TSHZ3: variants seen among roughly 807,000 people sequenced by gnomAD.
TSHZ3 encodes teashirt zinc finger homeobox 3.
Under a neutral mutation model 64.5 loss-of-function variants are expected in TSHZ3, and 10 were observed. The observed-to-expected ratio is 0.16, with a 90% CI of 0.10 to 0.26. TSHZ3 has a LOEUF of 0.26. Among genes scored for constraint, TSHZ3 ranks in the 10% least tolerant of loss-of-function variants. The probability of loss-of-function intolerance (pLI) is 1.00; values close to 1 mark genes in which losing one functional copy is unlikely to be tolerated. For missense variants in TSHZ3, 1,242 were observed against 1,421.7 expected (o/e 0.87, Z 2.03); for synonymous variants, 608 against 593.1 (o/e 1.03, Z -0.36).
intron 5 of TSHZ3, among the ~76,000 whole-genome samples, chr19:31,185,783 C>T (rs867441086): frequency 1.3e-5 from 2 of 152,172 alleles, no homozygotes; most frequent in African/African-American, 4.8e-5. Flanking sequence ...TAGGATGTTT[C>T]CATCACCCCA....
intron 1 of TSHZ3, among the ~76,000 whole-genome samples, chr19:31,346,853 T>A (rs2021535227): frequency 6.6e-6 from 1 of 151,946 alleles, no homozygotes; most frequent in African/African-American, 2.4e-5. Context: ...GTTTTTTTTT[T>A]TTCTCTCCAC....
chr19:31,202,073 G>C (rs1223040042), intron 5 of TSHZ3, among the ~76,000 whole-genome samples: 1 of 152,152 alleles, frequency 6.6e-6, no homozygotes, highest in African/African-American at 2.4e-5. Context: ...GACTGAGGCA[G>C]GAGAATCGCT....
chr19:31,246,844 CT>C (rs1237211367), intron 1 of TSHZ3, among the ~76,000 whole-genome samples: 1 of 151,948 alleles, frequency 6.6e-6, no homozygotes, highest in South Asian at 2.1e-4. Flanking sequence ...GAGCCTGAAA[CT>C]TCTGGTCCCA....
At chr19:31,197,618 G>C (rs1975011506) in intron 5 of TSHZ3, among the ~76,000 whole-genome samples, 1 of 151,654 alleles carries the variant, frequency 6.6e-6, no homozygotes, top group Non-Finnish European at 1.5e-5. Flanking sequence ...GAAATGAAAG[G>C]GGGCATCACT....
In TSHZ3 at chr19:31,279,200, C is replaced by T. The variant is rs764954907; in HGVS notation, c.593G>A (p.Arg198Gln). 6.8e-6 allele frequency: 11 copies of T among 1,613,810 alleles called. No homozygotes were observed. The highest frequency in any genetic ancestry group is 1.6e-4 in the Middle Eastern group (1 of 6,084). Residue 198 changes from arginine (R) to glutamine (Q), a missense_variant, in exon 2 of 2, where the codon CGG becomes CAG. Around this residue, in one of 4 missense-constraint regions of TSHZ3, gnomAD observed 555 missense variants for 704.0 expected, o/e 0.79. Coordinates refer to ENST00000240587, the MANE Select transcript of TSHZ3 (RefSeq NM_020856.4). The surrounding 1 kb of genome is among the most constrained non-coding windows in gnomAD (Gnocchi z 6.4). The part of the protein sequence containing the change: ...PSLFSTVQLY[R>Q]QSSKLYGSIF... ...GGAGCCATAGAGCTTGCTGCTCTGC[C>T]GGTACAGCTGCACGGTGCTGAAGAG...
intron 5 of TSHZ3, among the ~76,000 whole-genome samples, chr19:31,158,922 C>T (rs1331362956): frequency 2.0e-5 from 3 of 152,170 alleles, no homozygotes; most frequent in African/African-American, 4.8e-5. Context: ...TGGGGAGTGG[C>T]TGTAAATACA....
At chr19:31,322,005 G>A (rs867888402) in intron 1 of TSHZ3, among the ~76,000 whole-genome samples, 49 of 151,968 alleles carry the variant, frequency 3.2e-4, no homozygotes, top group Middle Eastern at 3.4e-3. Context: ...AAAAGGCCCC[G>A]GTGTGTGATG....
chr19:31,206,449 A>G (rs1975178515), intron 4 of TSHZ3, among the ~76,000 whole-genome samples: 1 of 152,176 alleles, frequency 6.6e-6, no homozygotes, highest in Non-Finnish European at 1.5e-5. Flanking sequence ...AAAGCAAGAG[A>G]CACCAAAAGC....
At chr19:31,339,974 T>A (rs1219532569) in intron 1 of TSHZ3, among the ~76,000 whole-genome samples, 2 of 151,934 alleles carry the variant, frequency 1.3e-5, no homozygotes, top group Non-Finnish European at 2.9e-5. Flanking sequence ...TATTTTTTAA[T>A]GGCAAAGGGC....
chr19:31,293,793 C>T (rs1327476849), intron 1 of TSHZ3, among the ~76,000 whole-genome samples: 2 of 152,176 alleles, frequency 1.3e-5, no homozygotes, highest in African/African-American at 4.8e-5. Flanking sequence ...TACCTCTGTG[C>T]CCTTTGCATG....
At position 31,279,533 on chromosome 19, in the gene TSHZ3, T is replaced by A; in HGVS notation, c.260A>T (p.Asp87Val). 6.2e-7 allele frequency: 1 copy of A among 1,611,336 alleles called. No homozygotes were observed. The highest frequency in any genetic ancestry group is 8.5e-7 in the Non-Finnish European group (1 of 1,177,868). ...HISETSDRMADFESGSIKNEE... is the reference protein window; with the variant it reads ...HISETSDRMAVFESGSIKNEE... ...GTTCTTGATGGAGCCGCTTTCAAAG[T>A]CAGCCATTCGGTCACTGGTCTCACT... is the stretch of plus-strand genomic sequence containing the variant. Residue 87 changes from aspartate (D) to valine (V), a missense_variant, in exon 2 of 2, where the codon GAC becomes GTC. Asp to Val is a radical substitution (Grantham distance 152). Coordinates refer to ENST00000240587, the MANE Select transcript of TSHZ3 (RefSeq NM_020856.4). The surrounding 1 kb of genome is among the most constrained non-coding windows in gnomAD (Gnocchi z 6.4).
intron 3 of TSHZ3, among the ~76,000 whole-genome samples, chr19:31,231,307 C>A (rs752731261): frequency 1.3e-5 from 2 of 152,054 alleles, no homozygotes; most frequent in Admixed American, 1.3e-4. Context: ...GGAGGCCGAG[C>A]GGAATTACAA....
chr19:31,304,163 C>T (rs868047405), intron 1 of TSHZ3, among the ~76,000 whole-genome samples: 5 of 152,016 alleles, frequency 3.3e-5, no homozygotes, highest in East Asian at 1.9e-4. Flanking sequence ...TTAGTAGAGA[C>T]GGGGTTTCAC....
intron 1 of TSHZ3, among the ~76,000 whole-genome samples, chr19:31,312,287 G>A (rs934112261): frequency 6.6e-6 from 1 of 152,228 alleles, no homozygotes; most frequent in Non-Finnish European, 1.5e-5. Context: ...CACAAAAGAA[G>A]GATCTAGAGC....
At chr19:31,310,012 A>G (rs895012608) in intron 1 of TSHZ3, among the ~76,000 whole-genome samples, 2 of 152,148 alleles carry the variant, frequency 1.3e-5, no homozygotes, top group Non-Finnish European at 2.9e-5. Flanking sequence ...GTTTCAACAC[A>G]TACTCCAGTA....
intron 1 of TSHZ3, among the ~76,000 whole-genome samples, chr19:31,306,087 G>GT (rs1397095900): frequency 6.6e-6 from 1 of 152,232 alleles, no homozygotes; most frequent in Non-Finnish European, 1.5e-5. Context: ...AAATGTCAAA[G>GT]TTGAGTGCCA....
chr19:31,152,286 G>A (rs963214721), intron 6 of TSHZ3, among the ~76,000 whole-genome samples: 103 of 2,938 alleles, frequency 0.035, 1 homozygote, highest in African/African-American at 0.19. Context: ...ATGTGAGCGT[G>A]TGTGTGTGTG....
intron 1 of TSHZ3, among the ~76,000 whole-genome samples, chr19:31,256,165 G>T (rs1975907480): frequency 6.6e-6 from 1 of 152,102 alleles, no homozygotes; most frequent in Admixed American, 6.5e-5. Context: ...CCCCTCATAG[G>T]ACTGCTGCAG....
At chr19:31,300,480 T>G (rs1194643925) in intron 1 of TSHZ3, among the ~76,000 whole-genome samples, 4 of 152,124 alleles carry the variant, frequency 2.6e-5, no homozygotes, top group Non-Finnish European at 5.9e-5. Flanking sequence ...CAATTCAATG[T>G]GGACAAAAAG....
Sources: allele counts gnomAD v4.1 joint callset (sites outside exome capture counted in the v4.1 genomes callset), GRCh38; gene constraint gnomAD v4.1.1; regional missense constraint gnomAD v4.1.1; non-coding constraint Gnocchi (gnomAD v3.1); transcripts MANE v1.5; gene names NCBI Gene and HGNC (gene_info 2026-07-23, HGNC 2026-07-21).